DLGAP5: variants seen among roughly 807,000 people sequenced by gnomAD.
DLGAP5 encodes the protein disks large-associated protein 5.
DLGAP5 carries 90 observed loss-of-function variants against 99.6 expected under a neutral mutation model. The ratio of observed to expected loss-of-function variants is 0.90; its 90% confidence interval spans 0.76 to 1.08. The LOEUF (loss-of-function observed/expected upper bound fraction) is 1.08. Ranked by LOEUF, DLGAP5 falls within the 50% of genes least tolerant of loss-of-function variation. The pLI is 0.00. For missense variants in DLGAP5, 1,036 were observed against 983.5 expected (o/e 1.05, Z -0.71); for synonymous variants, 311 against 321.3 (o/e 0.97, Z 0.34).
At chr14:55,177,541 C>CTT (rs775347897) in intron 7 of DLGAP5, among the ~76,000 whole-genome samples, 154 of 144,272 alleles carry the variant, frequency 1.1e-3, no homozygotes, top group African/African-American at 3.2e-3. Flanking sequence ...GGAATAGAAT[C>CTT]TTTTTTTTTT....
chr14:55,168,006 T>C (rs1001190556), intron 12 of DLGAP5, among the ~76,000 whole-genome samples: 3 of 152,160 alleles, frequency 2.0e-5, no homozygotes, highest in Non-Finnish European at 2.9e-5. Flanking sequence ...TCTGTTCTCT[T>C]TTTCTGGAAT....
chr14:55,169,427 T>C lies in DLGAP5; in HGVS notation c.1520A>G (p.Asp507Gly), dbSNP rs749654318. Residue 507 changes from aspartate to glycine, a missense_variant, in exon 12 of 19, where the codon GAT becomes GGT. Asp to Gly is a moderately conservative substitution (Grantham distance 94). Coordinates refer to ENST00000247191, the MANE Select transcript of DLGAP5 (RefSeq NM_014750.5). Reference protein sequence around the residue: ...GIKETTCTDLDGFWDMVSFQI... With the variant: ...GIKETTCTDLGGFWDMVSFQI... ...AAAACTAACCATATCCCAAAATCCA[T>C]CCAGATCTGTACAGGTAGTCTCCTT... 1.5e-5 allele frequency: 23 copies of C among 1,539,342 alleles called. No individual in the cohort carries two copies. The South Asian group carries it at 2.8e-4, about 19-fold the overall frequency.
At chr14:55,151,654 C>A in intron 17 of DLGAP5, 41 bp downstream of exon 17, 1 of 1,578,092 alleles carries the variant, frequency 6.3e-7, no homozygotes, top group Non-Finnish European at 8.6e-7. Context: ...AAGTTCATTT[C>A]TTTAATAAAG....
Position 55,150,860 on chromosome 14 carries a change from C to CA in DLGAP5, c.2369-13dup, listed in dbSNP as rs35448900. The CA allele has an allele frequency of 3.2e-4, 488 of 1,513,378 alleles. No homozygotes were observed. Among genetic ancestry groups the CA allele is most frequent in the East Asian group, 1.1e-3 (47 of 41,860 alleles). 93.7% of individuals were successfully genotyped at this position (1,513,378 alleles called of 1,614,324 possible). On this transcript the variant is annotated splice_polypyrimidine_tract_variant and intron_variant, in intron 17 of 18. Transcript: ENST00000247191. ...ATTATCAAATAGTTCTGAAAAACAA[C>CA]AAAAAAAAACTTTTTAAAGAATATT... is the stretch of plus-strand genomic sequence containing the variant.
intron 10 of DLGAP5, 54 bp from the exon 11 acceptor site, chr14:55,170,841 A>AATACTT: frequency 1.6e-6 from 2 of 1,256,242 alleles, no homozygotes; most frequent in Non-Finnish European, 2.3e-6. Flanking sequence ...ACTAGTAGCT[A>AATACTT]AGTATTAGCA....
Position 55,169,479 on chromosome 14 carries a change from C to T in DLGAP5, c.1468G>A (p.Asp490Asn), listed in dbSNP as rs780008470. The T allele has an allele frequency of 1.7e-5, 27 of 1,612,768 alleles. No homozygotes were observed. The highest frequency in any genetic ancestry group is 2.2e-5 in the Non-Finnish European group (26 of 1,179,530). ...ERFKQFEGLV[D>N]DCEYKRGIKE... is the part of the protein sequence containing the mutation. ...ATACCTCGTTTATATTCACAATCATCAACCAGTCCTTCAAACTGTTTAAAC... is the reference window on the plus strand; with the variant it reads ...ATACCTCGTTTATATTCACAATCATTAACCAGTCCTTCAAACTGTTTAAAC... Residue 490 changes from aspartate (D) to asparagine (N), a missense_variant, in exon 12 of 19, where the codon GAT becomes AAT. Transcript: ENST00000247191.
At chr14:55,151,577 A>G in intron 17 of DLGAP5, 118 bp downstream of exon 17, 1 of 1,146,006 alleles carries the variant, frequency 8.7e-7, no homozygotes, top group Non-Finnish European at 1.2e-6. Flanking sequence ...TTCACTAACA[A>G]TGAAGGATCC....
At chr14:55,189,653 G>A (rs535462100) in intron 1 of DLGAP5, among the ~76,000 whole-genome samples, 4 of 152,274 alleles carry the variant, frequency 2.6e-5, no homozygotes, top group East Asian at 3.9e-4. Context: ...ATAGGCAACC[G>A]GATACAGATA....
At chr14:55,185,637 C>G (rs1883411095) in intron 2 of DLGAP5, among the ~76,000 whole-genome samples, 1 of 152,236 alleles carries the variant, frequency 6.6e-6, no homozygotes. Context: ...GCATGCGCCA[C>G]TGCGCCTGGC....
At chr14:55,152,161 T>A (rs546059775) in intron 16 of DLGAP5, among the ~76,000 whole-genome samples, 1 of 152,310 alleles carries the variant, frequency 6.6e-6, no homozygotes, top group Admixed American at 6.5e-5. Flanking sequence ...CAAGTACCTA[T>A]ACTCTAGCTC....
intron 11 of DLGAP5, among the ~76,000 whole-genome samples, chr14:55,170,207 TAAG>T (rs922726815): frequency 2.0e-5 from 3 of 151,720 alleles, no homozygotes; most frequent in Non-Finnish European, 2.9e-5. Context: ...AATAATTATC[TAAG>T]AAGGACTTCA....
chr14:55,170,673 G>A, intron 11 of DLGAP5, 29 bp downstream of exon 11: 1 of 1,568,798 alleles, frequency 6.4e-7, no homozygotes, highest in Non-Finnish European at 8.8e-7. Flanking sequence ...AAGAAACAAA[G>A]CAAACAAAAA....
rs751930287 is a variant in DLGAP5 at position 55,181,266 on chromosome 14, C to T, written c.527G>A (p.Arg176Gln). Reference sequence around the variant, plus strand: ...TTCAGAAGTTTGTCTTGGACCAGGTCGGATTGCTCGAACATCACTCTCGTT... The same window carrying T: ...TTCAGAAGTTTGTCTTGGACCAGGTTGGATTGCTCGAACATCACTCTCGTT... ...IDNESDVRAI[R>Q]PGPRQTSEKK... Residue 176 changes from arginine to glutamine, a missense_variant, in exon 5 of 19, where the codon CGA becomes CAA. By Grantham distance (43) the Arg-to-Gln change is conservative. Coordinates refer to ENST00000247191, the MANE Select transcript of DLGAP5 (RefSeq NM_014750.5). 2.4e-5 allele frequency: 38 copies of T among 1,613,892 alleles called. No homozygotes were observed. The highest frequency in any genetic ancestry group is 8.9e-5 in the East Asian group (4 of 44,888).
At chr14:55,165,999 T>C (rs976019637) in intron 12 of DLGAP5, among the ~76,000 whole-genome samples, 2 of 152,210 alleles carry the variant, frequency 1.3e-5, no homozygotes, top group African/African-American at 4.8e-5. Flanking sequence ...TTTGGGCAGT[T>C]TCTTAAAAAG....
At position 55,148,303 on chromosome 14, in the gene DLGAP5, T is replaced by C; in HGVS notation, c.*48A>G. ...CAAAATTTCAATAGTCTAAGGAATA[T>C]ATAAGCATTGATAATATGAAGGAAA... On this transcript the variant is annotated 3_prime_UTR_variant, in exon 19 of 19. Transcript: ENST00000247191. The C allele has an allele frequency of 2.5e-6, 4 of 1,585,008 alleles. No individual in the cohort carries two copies. Among genetic ancestry groups the C allele is most frequent in the Non-Finnish European group, 3.5e-6 (4 of 1,156,676 alleles).
chr14:55,152,645 C>T lies in DLGAP5; in HGVS notation c.2066G>A (p.Ser689Asn). The T allele has an allele frequency of 6.3e-7, 1 of 1,594,450 alleles. No individual in the cohort carries two copies. Among genetic ancestry groups the T allele is most frequent in the South Asian group, 1.2e-5 (1 of 86,570 alleles). Residue 689 changes from serine to asparagine, a missense_variant and splice_region_variant, in exon 16 of 19, where the codon AGC becomes AAC. Coordinates refer to ENST00000247191, the MANE Select transcript of DLGAP5 (RefSeq NM_014750.5). ...TLFLSIPESR[S>N]SIEDAQCPGL... The stretch of plus-strand genomic sequence containing the variant: ...AGGACACTGAGCATCTTCTATGCTG[C>T]TCCTAAAGAAGAAAAAAAGCAGCAT...
chr14:55,150,993 TG>T, intron 17 of DLGAP5, 145 bp from the exon 18 acceptor site: 1 of 535,996 alleles, frequency 1.9e-6, no homozygotes, highest in East Asian at 3.9e-5. Context: ...TAATGTTTTT[TG>T]AAAGTAGTTA....
chr14:55,148,213 A>G lies in DLGAP5; in HGVS notation c.*138T>C. The G allele has an allele frequency of 2.3e-6, 2 of 865,200 alleles. No individual in the cohort carries two copies. Among genetic ancestry groups the G allele is most frequent in the Non-Finnish European group, 3.5e-6 (2 of 579,430 alleles). The allele number at this position is 865,200 out of a possible 1,614,324, so 53.6% of individuals were successfully genotyped here. On this transcript the variant is annotated 3_prime_UTR_variant, in exon 19 of 19. Coordinates refer to ENST00000247191, the MANE Select transcript of DLGAP5 (RefSeq NM_014750.5). ...TTGAGAAAGAGTATATCTAAAATACACTTTGATGAACACAGAATATTAAAA... is the reference window on the plus strand; with the variant it reads ...TTGAGAAAGAGTATATCTAAAATACGCTTTGATGAACACAGAATATTAAAA...
rs746217773 is a variant in DLGAP5, at chr14:55,151,992, C to A, written c.2122-51G>T. 7 of 1,558,196 alleles carry A rather than the reference C, an allele frequency of 4.5e-6. No homozygotes were observed. In the Admixed American group the frequency reaches 5.7e-5, roughly 13 times the overall value. ...TAATTATCAATTTAATTACTTGGAA[C>A]AAATTTTAAAAGTCTTGTTGCTATT... On this transcript the variant is annotated intron_variant, in intron 16 of 18. Transcript: ENST00000247191.
Sources: allele counts gnomAD v4.1 joint callset (sites outside exome capture counted in the v4.1 genomes callset), GRCh38; gene constraint gnomAD v4.1.1; transcripts MANE v1.5; gene names NCBI Gene and HGNC (gene_info 2026-07-23, HGNC 2026-07-21).